Variants in SLA2 observed in about 807,000 individuals in gnomAD.
SLA2 encodes Src like adaptor 2, also known as src-like-adapter 2.
Under a neutral mutation model 27.3 loss-of-function variants are expected in SLA2, and 22 were observed. The ratio of observed to expected loss-of-function variants is 0.81; its 90% CI spans 0.58 to 1.15. The LOEUF is 1.15. SLA2 is among the 50% of genes most tolerant of loss of function. The pLI, the probability that SLA2 is intolerant of heterozygous loss-of-function variation, is 0.00. For missense variants in SLA2, 304 were observed against 322.2 expected, an observed-to-expected ratio of 0.94 and a Z score of 0.43; for synonymous variants, 131 against 137.8, an observed-to-expected ratio of 0.95 and a Z score of 0.34.
At chr20:36,627,459 A>C (rs1212067848) in intron 5 of SLA2, among the ~76,000 whole-genome samples, 2 of 152,264 alleles carry the variant, frequency 1.3e-5, no homozygotes, top group East Asian at 3.9e-4. Flanking sequence ...CACTGTCTGC[A>C]CCCTGAGGAC....
intron 5 of SLA2, among the ~76,000 whole-genome samples, chr20:36,617,850 C>T (rs1258639555): frequency 6.9e-6 from 1 of 145,398 alleles, no homozygotes; most frequent in African/African-American, 2.6e-5. Context: ...AGTGAGACTC[C>T]GTCTCAAAAA....
intron 1 of SLA2, among the ~76,000 whole-genome samples, chr20:36,643,257 C>T (rs552316002): frequency 5.3e-5 from 8 of 152,168 alleles, no homozygotes; most frequent in Non-Finnish European, 1.2e-4. Context: ...TTTCCAAACA[C>T]TATTTTAAAG....
chr20:36,613,680 G>A lies in SLA2; in HGVS notation c.*186C>T, dbSNP rs2039168716. 3 of 632,630 alleles carry A rather than the reference G, an allele frequency of 4.7e-6. No individual in the cohort carries two copies. Among genetic ancestry groups the A allele is most frequent in the Non-Finnish European group, 7.8e-6 (3 of 387,048 alleles). 39.2% of individuals were successfully genotyped at this position (632,630 alleles called of 1,614,324 possible). ...GGTCGCAGGTGGGATCATGGCACTG[G>A]AAGGAAGTAGGTGACTTCTAAGGGC... On this transcript the variant is annotated 3_prime_UTR_variant, in exon 8 of 8. Transcript: ENST00000262866.
chr20:36,625,887 G>A (rs1444426843), intron 5 of SLA2, among the ~76,000 whole-genome samples: 1 of 150,904 alleles, frequency 6.6e-6, no homozygotes, highest in Admixed American at 6.6e-5. Flanking sequence ...CACTTTGGAA[G>A]GCCAAGGTGG....
Position 36,644,877 on chromosome 20 carries a change from T to G in SLA2, c.-44+960A>C, listed in dbSNP as rs1003146447. 5.3e-5 allele frequency among the ~76,000 whole-genome samples: 8 copies of G among 149,686 alleles called. No individual in the cohort carries two copies. In the South Asian group the frequency reaches 1.5e-3, roughly 28 times the overall value. On this transcript the variant is annotated intron_variant, in intron 1 of 7. Coordinates refer to ENST00000262866, the MANE Select transcript of SLA2 (RefSeq NM_032214.4). ...CTGCCCAGAATATTGTGTTTTTTTT[T>G]TTTTTTTTTTTTTCAGTATCTCACT...
intron 4 of SLA2, 56 bp downstream of exon 4, chr20:36,633,487 C>T (rs1341030678): frequency 7.6e-6 from 11 of 1,454,180 alleles, no homozygotes; most frequent in Non-Finnish European, 9.7e-6. Flanking sequence ...AAGGGGAGTT[C>T]TTGTGGGAGG....
At chr20:36,616,710 G>T (rs1319376748) in intron 5 of SLA2, among the ~76,000 whole-genome samples, 1 of 152,192 alleles carries the variant, frequency 6.6e-6, no homozygotes, top group Non-Finnish European at 1.5e-5. Context: ...ACAGCTCCTG[G>T]GCTCAAACAG....
Position 36,630,710 on chromosome 20 carries a change from G to A in SLA2, c.382+1885C>T, listed in dbSNP as rs188526597. On this transcript the variant is annotated intron_variant, in intron 5 of 7. Transcript: ENST00000262866. ...TTAAAGGGCTTAACATAAACGTGGGGGCTGCTGCTCCTTCAACATCCCTCT... is the reference window on the plus strand; with the variant it reads ...TTAAAGGGCTTAACATAAACGTGGGAGCTGCTGCTCCTTCAACATCCCTCT... Among the ~76,000 whole-genome samples the A allele has an allele frequency of 6.6e-5, 10 of 152,286 alleles. No homozygotes were observed. The East Asian group carries it at 1.5e-3, about 23-fold the overall frequency.
chr20:36,634,537 C>T lies in SLA2; in HGVS notation c.144G>A (p.Pro48=), dbSNP rs775386790. 20 of 1,611,416 alleles carry T rather than the reference C, an allele frequency of 1.2e-5. No individual in the cohort carries two copies. In the Admixed American group the frequency reaches 1.7e-4, roughly 13 times the overall value. Reference sequence around the variant, plus strand: ...CCCCGAGTCTCAGCGACAGCTCGGCCGGGCCACCTGCCGGGAAACTGCCCA... The same window carrying T: ...CCCCGAGTCTCAGCGACAGCTCGGCTGGGCCACCTGCCGGGAAACTGCCCA... The part of the protein sequence containing the change: ...VALGSFPAGG[P]AELSLRLGEP... The change falls in exon 3 of 8, where the codon CCG becomes CCA. Residue 48 remains proline, a synonymous_variant. Transcript: ENST00000262866.
chr20:36,626,450 G>A (rs1335868363), intron 5 of SLA2, among the ~76,000 whole-genome samples: 4 of 151,930 alleles, frequency 2.6e-5, no homozygotes, highest in African/African-American at 9.7e-5. Context: ...TGTAGTCCCA[G>A]CTACTCAGGA....
intron 5 of SLA2, among the ~76,000 whole-genome samples, chr20:36,629,065 ATT>A (rs768278326): frequency 8.7e-5 from 12 of 137,726 alleles, no homozygotes; most frequent in Admixed American, 1.4e-4. Flanking sequence ...AATTATGAGG[ATT>A]TTTTTTTTTT....
intron 5 of SLA2, among the ~76,000 whole-genome samples, chr20:36,626,862 GGAAAA>G (rs1347538183): frequency 6.6e-6 from 1 of 150,894 alleles, no homozygotes; most frequent in Non-Finnish European, 1.5e-5. Flanking sequence ...AAAAAAAAGA[GGAAAA>G]GAAAAGAGAT....
At chr20:36,634,421 C>G (rs1478817017) in intron 3 of SLA2, 69 bp downstream of exon 3, 2 of 1,218,170 alleles carry the variant, frequency 1.6e-6, no homozygotes, top group Non-Finnish European at 2.3e-6. Context: ...ACAGCTAGCG[C>G]TACAGGCACA....
chr20:36,621,055 TGTG>T, intron 5 of SLA2: 1 of 359,388 alleles, frequency 2.8e-6, no homozygotes, highest in Non-Finnish European at 5.5e-6. Context: ...AAGAGAAGAC[TGTG>T]GTGGTGGAGA....
chr20:36,629,162 A>C (rs1226781058), intron 5 of SLA2, among the ~76,000 whole-genome samples: 1 of 151,212 alleles, frequency 6.6e-6, no homozygotes, highest in Non-Finnish European at 1.5e-5. Context: ...CTCCAGGTTC[A>C]AGCAATTCTC....
intron 5 of SLA2, chr20:36,621,343 G>A (rs2039279810): frequency 6.5e-6 from 4 of 616,150 alleles, no homozygotes; most frequent in South Asian, 5.5e-5. Context: ...CAGTTTTGGT[G>A]GAAGAAGCTC....
chr20:36,642,828 G>A (rs191816120), intron 1 of SLA2, among the ~76,000 whole-genome samples: 20 of 152,146 alleles, frequency 1.3e-4, no homozygotes, highest in African/African-American at 2.4e-4. Context: ...CAGGCGATCC[G>A]CCCTCCTCGG....
At chr20:36,637,883 CTTTTTTT>C (rs35354699) in intron 2 of SLA2, among the ~76,000 whole-genome samples, 5 of 89,366 alleles carry the variant, frequency 5.6e-5, no homozygotes, top group African/African-American at 1.9e-4. Flanking sequence ...GCCTCGGCCT[CTTTTTTT>C]TTTTTTTTTT....
At chr20:36,621,682 G>A (rs1227031256) in intron 5 of SLA2, among the ~76,000 whole-genome samples, 1 of 150,974 alleles carries the variant, frequency 6.6e-6, no homozygotes, top group Non-Finnish European at 1.5e-5. Flanking sequence ...TTAACAATGA[G>A]GATAAATGTA....
Sources: allele counts gnomAD v4.1 joint callset (sites outside exome capture counted in the v4.1 genomes callset), GRCh38; gene constraint gnomAD v4.1.1; transcripts MANE v1.5; gene names NCBI Gene and HGNC (gene_info 2026-07-23, HGNC 2026-07-21).